The following PRDM16 variants were observed in gnomAD, a reference collection of about 807,000 sequenced individuals.
PRDM16 encodes the protein histone-lysine N-methyltransferase PRDM16.
Under a neutral mutation model 110.6 loss-of-function variants are expected in PRDM16, and 23 were observed. The ratio of observed to expected loss-of-function variants is 0.21; its 90% confidence interval spans 0.15 to 0.29. PRDM16 has a LOEUF of 0.29. Ranked by LOEUF, PRDM16 falls within the 10% of genes least tolerant of loss-of-function variation. The probability of loss-of-function intolerance (pLI) is 1.00; values close to 1 mark genes in which losing one functional copy is unlikely to be tolerated. For synonymous variants in PRDM16, 799 were observed against 781.8 expected, an observed-to-expected ratio of 1.02 and a Z score of -0.37; for missense variants, 1,615 against 1,794.3, an observed-to-expected ratio of 0.90 and a Z score of 1.81.
chr1:3,412,393 C>T lies in PRDM16; in HGVS notation c.2196C>T (p.Asn732=), dbSNP rs765462018. 6.2e-7 allele frequency: 1 copy of T among 1,613,376 alleles called. No individual in the cohort carries two copies. The highest frequency in any genetic ancestry group is 8.5e-7 in the Non-Finnish European group (1 of 1,179,996). ...HSAFPFQFLP[N]FPHSLYPFTD... is the part of the protein sequence containing the mutation. ...CGTTCCCCTTCCAGTTCCTGCCCAACTTCCCCCACTCCCTTTACCCCTTCA... is the reference window on the plus strand; with the variant it reads ...CGTTCCCCTTCCAGTTCCTGCCCAATTTCCCCCACTCCCTTTACCCCTTCA... Residue 732 remains asparagine, a synonymous_variant, in exon 9 of 17, where the codon AAC becomes AAT. Transcript: ENST00000270722.
At chr1:3,171,134 G>A (rs374576798) in intron 1 of PRDM16, among the ~76,000 whole-genome samples, 12 of 152,242 alleles carry the variant, frequency 7.9e-5, no homozygotes, top group African/African-American at 2.7e-4. Flanking sequence ...TCCCTCTTGC[G>A]ATTTTTATTT....
At chr1:3,377,042 CGTG>C (rs1643003617) in intron 3 of PRDM16, among the ~76,000 whole-genome samples, 2 of 152,346 alleles carry the variant, frequency 1.3e-5, no homozygotes, top group African/African-American at 4.8e-5. Context: ...TTCGGCTACT[CGTG>C]GACACCATCA....
At chr1:3,144,015 C>T (rs1050604406) in intron 1 of PRDM16, among the ~76,000 whole-genome samples, 4 of 152,222 alleles carry the variant, frequency 2.6e-5, no homozygotes, top group Non-Finnish European at 5.9e-5. Flanking sequence ...GCTGCGTGGC[C>T]ACCTGGCCTC....
intron 2 of PRDM16, among the ~76,000 whole-genome samples, chr1:3,224,807 C>T (rs2817152): frequency 0.12 from 17,572 of 152,240 alleles, 2,525 homozygotes; most frequent in African/African-American, 0.34. Flanking sequence ...ACCCTGGTTC[C>T]GAGGAGACCC....
intron 2 of PRDM16, among the ~76,000 whole-genome samples, chr1:3,233,322 CATCTTTCAGATGTG>C (rs1557546678): frequency 6.6e-6 from 1 of 152,174 alleles, no homozygotes; most frequent in Non-Finnish European, 1.5e-5. Flanking sequence ...TGGGAGGGCA[CATCTTTCAGATGTG>C]AGTCGGGACA....
intron 4 of PRDM16, 85 bp from the exon 5 acceptor site, chr1:3,396,405 CA>C: frequency 1.3e-6 from 1 of 782,456 alleles, no homozygotes; most frequent in Non-Finnish European, 2.2e-6. Flanking sequence ...GCTGCGTCCA[CA>C]GTGTGAGGGC....
intron 1 of PRDM16, among the ~76,000 whole-genome samples, chr1:3,139,058 G>A (rs913496996): frequency 5.3e-5 from 8 of 152,140 alleles, no homozygotes; most frequent in African/African-American, 1.9e-4. Flanking sequence ...GTGGGGGCTT[G>A]GGGCCAGGTC....
intron 1 of PRDM16, among the ~76,000 whole-genome samples, chr1:3,147,072 G>A (rs1442658014): frequency 2.8e-5 from 4 of 143,214 alleles, no homozygotes; most frequent in African/African-American, 5.7e-5. Context: ...AGTGTGGGGT[G>A]TGTGTATGTG....
intron 8 of PRDM16, among the ~76,000 whole-genome samples, chr1:3,406,795 G>C (rs551328938): frequency 6.6e-6 from 1 of 152,176 alleles, no homozygotes; most frequent in African/African-American, 2.4e-5. Flanking sequence ...CGGGTCCAAG[G>C]GGCCTTGTGG....
intron 1 of PRDM16, among the ~76,000 whole-genome samples, chr1:3,134,588 G>C (rs992721009): frequency 8.3e-6 from 1 of 119,916 alleles, no homozygotes; most frequent in African/African-American, 4.1e-5. Flanking sequence ...GCCTCCCCCT[G>C]GAAGGGGAAA....
At chr1:3,406,150 T>TAA (rs1643558326) in intron 8 of PRDM16, among the ~76,000 whole-genome samples, 1 of 152,122 alleles carries the variant, frequency 6.6e-6, no homozygotes, top group Non-Finnish European at 1.5e-5. Context: ...CAGCCCTGAA[T>TAA]AAAAGACCAG....
In PRDM16 at chr1:3,175,092, G is replaced by A. The variant is rs999920787; in HGVS notation, c.38-11033G>A. The stretch of plus-strand genomic sequence containing the variant: ...TCCTAGCACCATTTCCTGGAGTTAC[G>A]ACAGCTTTGTTCTTGTCTCAAAGCC... On this transcript the variant is annotated intron_variant, in intron 1 of 16. Transcript: ENST00000270722. This position sits in a 1 kb window ranked among gnomAD's most constrained non-coding sequence, Gnocchi z 4.8. Among the ~76,000 whole-genome samples the A allele has an allele frequency of 1.3e-5, 2 of 152,300 alleles. No individual in the cohort carries two copies. Among genetic ancestry groups the A allele is most frequent in the East Asian group, 1.9e-4 (1 of 5,174 alleles).
At chr1:3,409,625 CAG>C (rs1252915407) in intron 8 of PRDM16, among the ~76,000 whole-genome samples, 2 of 152,042 alleles carry the variant, frequency 1.3e-5, no homozygotes, top group African/African-American at 2.4e-5. Context: ...AATTGTCCTA[CAG>C]AGAGAGACAC....
In PRDM16 at chr1:3,290,602, C is replaced by T. The variant is rs74050835; in HGVS notation, c.438+46465C>T. On this transcript the variant is annotated intron_variant, in intron 3 of 16. Transcript: ENST00000270722. The surrounding 1 kb of genome is among the most constrained non-coding windows in gnomAD (Gnocchi z 4.8). ...TGAAGAAGCCCCGTGGCTCCGGCTC[C>T]GTCTGCAGGATCCCTCCCAGGACGC... 0.02 allele frequency among the ~76,000 whole-genome samples: 3,025 copies of T among 152,252 alleles called. 116 individuals carry two copies. The highest frequency in any genetic ancestry group is 0.068 in the African/African-American group (2,826 of 41,542).
chr1:3,288,388 A>G (rs1209824186), intron 3 of PRDM16, among the ~76,000 whole-genome samples: 1 of 152,154 alleles, frequency 6.6e-6, no homozygotes. Context: ...CAGTTTCCAG[A>G]CAAAGGCCTT....
At chr1:3,305,604 TC>T (rs1641295556) in intron 3 of PRDM16, among the ~76,000 whole-genome samples, 1 of 151,376 alleles carries the variant, frequency 6.6e-6, no homozygotes. Context: ...ATAAAATCCT[TC>T]GTGGAGTCAA....
intron 2 of PRDM16, among the ~76,000 whole-genome samples, chr1:3,241,232 C>T (rs964165942): frequency 1.1e-4 from 17 of 152,258 alleles, no homozygotes; most frequent in African/African-American, 3.4e-4. Flanking sequence ...TGCAGGAGGC[C>T]GCTTCTTTCT....
intron 2 of PRDM16, among the ~76,000 whole-genome samples, chr1:3,227,080 C>A (rs1283617310): frequency 6.6e-6 from 1 of 152,254 alleles, no homozygotes; most frequent in Non-Finnish European, 1.5e-5. Context: ...GCCGTTGTCA[C>A]GTGCAACGAA....
intron 1 of PRDM16, among the ~76,000 whole-genome samples, chr1:3,177,389 G>C (rs1457958016): frequency 2.6e-5 from 4 of 152,234 alleles, no homozygotes; most frequent in Admixed American, 1.3e-4. Context: ...CGTTAGAGTG[G>C]CGTTTGAGAA....
Sources: gnomAD v4.1 joint callset for allele counts (sites outside exome capture counted in the v4.1 genomes callset) on GRCh38, gnomAD v4.1.1 for gene constraint, Gnocchi (gnomAD v3.1) non-coding constraint, MANE v1.5 for transcripts, NCBI Gene and HGNC (gene_info 2026-07-23, HGNC 2026-07-21) for gene names.